The following MB21D2 variants were observed in gnomAD, a reference collection of about 807,000 sequenced individuals.
MB21D2 encodes the protein nucleotidyltransferase MB21D2.
Under a neutral mutation model 33.3 loss-of-function variants are expected in MB21D2, and 9 were observed. The ratio of observed to expected loss-of-function variants is 0.27; its 90% confidence interval spans 0.16 to 0.47. The LOEUF is 0.47. Ranked by LOEUF, MB21D2 falls within the 20% of genes least tolerant of loss-of-function variation. The pLI is 0.99. For missense variants in MB21D2, 540 were observed against 624.6 expected (o/e 0.86, Z 1.44); for synonymous variants, 241 against 236.3 (o/e 1.02, Z -0.18).
chr3:192,830,951 A>T lies in MB21D2; in HGVS notation c.212-31301T>A, dbSNP rs568346463. On this transcript the variant is annotated intron_variant, in intron 1 of 1. Transcript: ENST00000392452. ...GTATGAGATGGTCAAGCTAATAAGGACAAAACTATGTCAAAAAGGCTGTGT... is the reference window on the plus strand; with the variant it reads ...GTATGAGATGGTCAAGCTAATAAGGTCAAAACTATGTCAAAAAGGCTGTGT... Among the ~76,000 whole-genome samples the T allele has an allele frequency of 6.6e-5, 10 of 152,312 alleles. No individual in the cohort carries two copies. In the East Asian group the frequency reaches 1.9e-3, roughly 29 times the overall value.
At chr3:192,869,636 T>C (rs914225023) in intron 1 of MB21D2, among the ~76,000 whole-genome samples, 3 of 152,214 alleles carry the variant, frequency 2.0e-5, no homozygotes, top group Admixed American at 6.5e-5. Flanking sequence ...AGATTCTTAC[T>C]GGCCTCTTGG....
intron 1 of MB21D2, among the ~76,000 whole-genome samples, chr3:192,876,812 C>T (rs1268952390): frequency 1.3e-5 from 2 of 152,142 alleles, no homozygotes; most frequent in African/African-American, 4.8e-5. Context: ...TGGCTACCTC[C>T]TACTACTGGT....
At chr3:192,881,034 T>C (rs924312409) in intron 1 of MB21D2, among the ~76,000 whole-genome samples, 1 of 152,238 alleles carries the variant, frequency 6.6e-6, no homozygotes, top group East Asian at 1.9e-4. Context: ...TGTATTTATA[T>C]AGAAGATGAT....
intron 1 of MB21D2, among the ~76,000 whole-genome samples, chr3:192,908,637 C>G (rs1430633574): frequency 6.6e-6 from 1 of 151,550 alleles, no homozygotes; most frequent in East Asian, 2.0e-4. Flanking sequence ...CCAGGATGGT[C>G]TCGATCTCCT....
At chr3:192,823,823 C>T (rs1166035469) in intron 1 of MB21D2, among the ~76,000 whole-genome samples, 3 of 151,966 alleles carry the variant, frequency 2.0e-5, no homozygotes, top group African/African-American at 4.8e-5. Context: ...TTTAATAAAA[C>T]TGACAGATTA....
Position 192,896,091 on chromosome 3 carries a change from A to G in MB21D2, c.211+21539T>C, listed in dbSNP as rs569288035. Among the ~76,000 whole-genome samples the G allele has an allele frequency of 3.6e-4, 55 of 152,362 alleles. No individual in the cohort carries two copies. The South Asian group carries it at 0.011, about 32-fold the overall frequency. ...CCGCTGCTCGTTTAACATACAACAC[A>G]TGCATTAAGTTAATCCTTACAACAA... On this transcript the variant is annotated intron_variant, in intron 1 of 1. Transcript: ENST00000392452.
intron 1 of MB21D2, among the ~76,000 whole-genome samples, chr3:192,892,687 C>T (rs569863620): frequency 1.3e-5 from 2 of 152,284 alleles, no homozygotes; most frequent in Admixed American, 6.5e-5. Context: ...AGGTGATCTG[C>T]CTGCCTCGGC....
intron 1 of MB21D2, among the ~76,000 whole-genome samples, chr3:192,906,907 A>G (rs1365631960): frequency 6.6e-6 from 1 of 152,278 alleles, no homozygotes; most frequent in Non-Finnish European, 1.5e-5. Flanking sequence ...ACTAGTTGGA[A>G]GAGACGAAAG....
intron 1 of MB21D2, among the ~76,000 whole-genome samples, chr3:192,817,595 CA>C (rs980255092): frequency 2.0e-5 from 3 of 152,172 alleles, no homozygotes; most frequent in African/African-American, 7.2e-5. Context: ...AGCCCTGCAC[CA>C]TCACTCAGTT....
chr3:192,903,071 T>C (rs1298455136), intron 1 of MB21D2, among the ~76,000 whole-genome samples: 1 of 152,200 alleles, frequency 6.6e-6, no homozygotes, highest in Non-Finnish European at 1.5e-5. Context: ...TAATAGCAAT[T>C]AAGAGAACTT....
rs189342158 is a variant in MB21D2, at chr3:192,827,605, G to A, written c.212-27955C>T. On this transcript the variant is annotated intron_variant, in intron 1 of 1. Coordinates refer to ENST00000392452, the MANE Select transcript of MB21D2 (RefSeq NM_178496.4). ...CAGAGAAGTTAAGTGGCTACTCAGG[G>A]GCATGAAGGTGGAAAGTAGAGTCAG... Among the ~76,000 whole-genome samples the A allele has an allele frequency of 1.2e-3, 178 of 152,186 alleles. 3 individuals carry two copies. Among genetic ancestry groups the A allele is most frequent in the African/African-American group, 4.1e-3 (169 of 41,492 alleles).
chr3:192,808,247 A>G (rs1201409991), intron 1 of MB21D2, among the ~76,000 whole-genome samples: 2 of 152,202 alleles, frequency 1.3e-5, no homozygotes, highest in Non-Finnish European at 2.9e-5. Context: ...TGCTGCATGA[A>G]CAGCTCCCAC....
chr3:192,798,663 A>G lies in MB21D2; in HGVS notation c.1199T>C (p.Leu400Pro). The G allele has an allele frequency of 6.2e-7, 1 of 1,613,576 alleles. No individual in the cohort carries two copies. Among genetic ancestry groups the G allele is most frequent in the Non-Finnish European group, 8.5e-7 (1 of 1,180,036 alleles). The change falls in exon 2 of 2, where the codon CTG (leucine) becomes CCG (proline). Residue 400 changes from leucine to proline, a missense_variant. Coordinates refer to ENST00000392452, the MANE Select transcript of MB21D2 (RefSeq NM_178496.4). The surrounding 1 kb of genome is among the most constrained non-coding windows in gnomAD (Gnocchi z 4.8). ...TGCCGGGTCTGAGCGCACAGAGGAC[A>G]GCTTCCGGGCGTGAAGCATGACTGT... ...EETVMLHARK[L>P]SSVRSDPAEH...
chr3:192,812,003 C>T (rs899804320), intron 1 of MB21D2, among the ~76,000 whole-genome samples: 6 of 152,126 alleles, frequency 3.9e-5, no homozygotes, highest in Middle Eastern at 6.8e-3. Context: ...ATTCAATCAC[C>T]TTTGTCCGTA....
At chr3:192,869,334 G>GGGGGA (rs1713240313) in intron 1 of MB21D2, among the ~76,000 whole-genome samples, 1 of 116,690 alleles carries the variant, frequency 8.6e-6, no homozygotes, top group African/African-American at 3.3e-5. Context: ...AAAAGGGAAG[G>GGGGGA]AGGGAAGGGA....
intron 1 of MB21D2, among the ~76,000 whole-genome samples, chr3:192,849,316 T>TTGGGGGG (rs1394136617): frequency 2.2e-5 from 2 of 92,200 alleles, no homozygotes; most frequent in Admixed American, 1.3e-4. Flanking sequence ...TCTCTTTTTT[T>TTGGGGGG]GGGGGGGGGG....
intron 1 of MB21D2, among the ~76,000 whole-genome samples, chr3:192,878,080 TC>T (rs1459680586): frequency 1.5e-4 from 14 of 96,392 alleles, no homozygotes; most frequent in Admixed American, 7.4e-4. Flanking sequence ...CAATTCCTCC[TC>T]TTTTTTTTTT....
intron 1 of MB21D2, among the ~76,000 whole-genome samples, chr3:192,835,153 T>TTAACAA (rs542816754): frequency 1.3e-5 from 1 of 75,806 alleles, no homozygotes; most frequent in Non-Finnish European, 3.3e-5. Context: ...AAAGTGTCTT[T>TTAACAA]AAAAAAAAAA....
At chr3:192,911,667 A>G (rs1023235509) in intron 1 of MB21D2, among the ~76,000 whole-genome samples, 3 of 142,506 alleles carry the variant, frequency 2.1e-5, no homozygotes, top group Non-Finnish European at 4.7e-5. Flanking sequence ...GTATTATCCA[A>G]TGAGTGGCAT....
Sources: allele counts gnomAD v4.1 joint callset (sites outside exome capture counted in the v4.1 genomes callset), GRCh38; gene constraint gnomAD v4.1.1; non-coding constraint Gnocchi (gnomAD v3.1); transcripts MANE v1.5; gene names NCBI Gene and HGNC (gene_info 2026-07-23, HGNC 2026-07-21).